SLC24A2: variants seen among roughly 807,000 people sequenced by gnomAD.
The protein encoded by SLC24A2 is solute carrier family 24 member 2, also known as sodium/potassium/calcium exchanger 2.
SLC24A2 carries 36 observed loss-of-function variants against 62.0 expected under a neutral mutation model. The ratio of observed to expected loss-of-function variants is 0.58; its 90% CI spans 0.44 to 0.77. The LOEUF (loss-of-function observed/expected upper bound fraction) is 0.77. Ranked by LOEUF, SLC24A2 falls within the 30% of genes least tolerant of loss-of-function variation. SLC24A2 has a pLI of 0.00. For missense variants in SLC24A2, 846 were observed against 817.9 expected (o/e 1.03, Z -0.42); for synonymous variants, 358 against 294.0 (o/e 1.22, Z -2.23).
At chr9:19,857,746 G>T in the SLC24A2 span, among the ~76,000 whole-genome samples, 8 of 148,226 alleles carry the variant, frequency 5.4e-5, no homozygotes, top group Admixed American at 2.7e-4. Flanking sequence ...ACTTCAGTAG[G>T]TTTTTTTTTT....
chr9:19,566,651 G>A (rs1296353509), intron 7 of SLC24A2, among the ~76,000 whole-genome samples: 9 of 152,200 alleles, frequency 5.9e-5, no homozygotes, highest in East Asian at 1.9e-4. Flanking sequence ...TGCTATAAAG[G>A]CACATGCACG....
intron 7 of SLC24A2, among the ~76,000 whole-genome samples, chr9:19,571,649 A>T (rs1041209749): frequency 1.3e-5 from 2 of 152,224 alleles, no homozygotes; most frequent in East Asian, 3.9e-4. Flanking sequence ...GAATTTTAAG[A>T]TGACCTCCCC....
chr9:19,814,794 T>C, the SLC24A2 span, among the ~76,000 whole-genome samples: 1 of 152,152 alleles, frequency 6.6e-6, no homozygotes, highest in Non-Finnish European at 1.5e-5. Context: ...AGCAGCAGGT[T>C]CCTGTCTATG....
the SLC24A2 span, among the ~76,000 whole-genome samples, chr9:20,106,128 C>T: frequency 6.6e-6 from 1 of 152,158 alleles, no homozygotes; most frequent in African/African-American, 2.4e-5. Flanking sequence ...GACACTTACA[C>T]CCTCCCAAGA....
chr9:20,063,557 G>A, the SLC24A2 span, among the ~76,000 whole-genome samples: 1 of 151,772 alleles, frequency 6.6e-6, no homozygotes, highest in Non-Finnish European at 1.5e-5. Flanking sequence ...ACGAGTTAGT[G>A]GGTGCAGCGC....
chr9:19,823,144 G>A, the SLC24A2 span, among the ~76,000 whole-genome samples: 1 of 152,256 alleles, frequency 6.6e-6, no homozygotes, highest in East Asian at 1.9e-4. Flanking sequence ...ATCCTTGTAA[G>A]TATGGGCTAT....
chr9:19,743,522 G>C (rs542372991), intron 2 of SLC24A2, among the ~76,000 whole-genome samples: 146 of 152,244 alleles, frequency 9.6e-4, no homozygotes, highest in Middle Eastern at 3.4e-3. Context: ...GTGCTGTCGG[G>C]GCTGGGCAGA....
At chr9:20,071,939 A>G in the SLC24A2 span, among the ~76,000 whole-genome samples, 46 of 152,218 alleles carry the variant, frequency 3.0e-4, no homozygotes, top group African/African-American at 1.1e-3. Context: ...GATATTTAAA[A>G]GCATACAAAT....
chr9:19,601,379 C>CCAG (rs940517750), intron 4 of SLC24A2, among the ~76,000 whole-genome samples: 7 of 152,210 alleles, frequency 4.6e-5, no homozygotes, highest in Admixed American at 3.3e-4. Context: ...ACCACCCCAG[C>CCAG]CAGCAGCAGC....
chr9:20,185,913 A>G, the SLC24A2 span, among the ~76,000 whole-genome samples: 3 of 152,100 alleles, frequency 2.0e-5, no homozygotes, highest in African/African-American at 7.2e-5. Flanking sequence ...GATGTACTGA[A>G]CTCCAGCTGT....
chr9:20,241,859 C>G, the SLC24A2 span, among the ~76,000 whole-genome samples: 2 of 152,154 alleles, frequency 1.3e-5, no homozygotes, highest in Non-Finnish European at 2.9e-5. Context: ...ATTACAGCTT[C>G]TAAAAAACAT....
At chr9:20,057,900 C>T in the SLC24A2 span, among the ~76,000 whole-genome samples, 2 of 152,160 alleles carry the variant, frequency 1.3e-5, no homozygotes, top group Non-Finnish European at 2.9e-5. Flanking sequence ...TATGAAACTA[C>T]ATCATCTGAC....
intron 8 of SLC24A2, among the ~76,000 whole-genome samples, chr9:19,548,929 T>C (rs1442349749): frequency 2.6e-5 from 4 of 152,240 alleles, no homozygotes; most frequent in African/African-American, 9.6e-5. Context: ...TATACAGTTT[T>C]GTTGAATGAG....
intron 2 of SLC24A2, among the ~76,000 whole-genome samples, chr9:19,697,939 T>C (rs1398590853): frequency 6.6e-6 from 1 of 152,162 alleles, no homozygotes; most frequent in African/African-American, 2.4e-5. Context: ...ACTTCTAATA[T>C]ATGTAAATAT....
At chr9:19,547,390 C>T (rs576287259) in intron 8 of SLC24A2, among the ~76,000 whole-genome samples, 1 of 152,160 alleles carries the variant, frequency 6.6e-6, no homozygotes, top group African/African-American at 2.4e-5. Flanking sequence ...TTTTCTTGCT[C>T]TGTGCCTCTC....
the SLC24A2 span, among the ~76,000 whole-genome samples, chr9:19,933,900 G>C: frequency 6.6e-6 from 1 of 152,172 alleles, no homozygotes; most frequent in Non-Finnish European, 1.5e-5. Flanking sequence ...CCATTTATGT[G>C]AGATTCCCCA....
the SLC24A2 span, among the ~76,000 whole-genome samples, chr9:20,175,230 A>AG: frequency 6.6e-6 from 1 of 151,710 alleles, no homozygotes; most frequent in South Asian, 2.1e-4. Flanking sequence ...TTGGGGACTC[A>AG]GGGGGAAAGG....
intron 2 of SLC24A2, among the ~76,000 whole-genome samples, chr9:19,753,797 G>C (rs1025851261): frequency 2.0e-5 from 3 of 152,118 alleles, no homozygotes. Context: ...TGTGTCACCT[G>C]GATATGTATC....
At chr9:20,103,659 TAACA>T in the SLC24A2 span, among the ~76,000 whole-genome samples, 2 of 152,050 alleles carry the variant, frequency 1.3e-5, no homozygotes, top group Non-Finnish European at 2.9e-5. Context: ...GAAGGAAAAC[TAACA>T]AACAGAAAGG....
Sources: gnomAD v4.1 joint callset for allele counts (sites outside exome capture counted in the v4.1 genomes callset) on GRCh38, gnomAD v4.1.1 for gene constraint, MANE v1.5 for transcripts, NCBI Gene and HGNC (gene_info 2026-07-23, HGNC 2026-07-21) for gene names.